HSPA12A: variants seen among roughly 807,000 people sequenced by gnomAD.
HSPA12A encodes the protein heat shock protein family A (Hsp70) member 12A.
In HSPA12A, 28 loss-of-function variants were observed where a neutral mutation model predicts 69.2. The observed-to-expected ratio is 0.40, with a 90% confidence interval of 0.30 to 0.55. The LOEUF (loss-of-function observed/expected upper bound fraction) is 0.55, where lower values mean the gene tolerates loss of function less well. Ranked by LOEUF, HSPA12A falls within the 20% of genes least tolerant of loss-of-function variation. HSPA12A has a pLI of 0.38. For missense variants in HSPA12A, 686 were observed against 900.7 expected, an observed-to-expected ratio of 0.76 and a Z score of 3.05; for synonymous variants, 345 against 370.5, an observed-to-expected ratio of 0.93 and a Z score of 0.79.
intron 2 of HSPA12A, among the ~76,000 whole-genome samples, chr10:116,749,739 T>C (rs1851731283): frequency 6.6e-6 from 1 of 152,222 alleles, no homozygotes; most frequent in Non-Finnish European, 1.5e-5. Flanking sequence ...CCGAGTTTTT[T>C]AAGATGAGAA....
intron 2 of HSPA12A, among the ~76,000 whole-genome samples, chr10:116,812,426 C>G (rs962127638): frequency 6.6e-6 from 1 of 151,894 alleles, no homozygotes; most frequent in Non-Finnish European, 1.5e-5. Context: ...GCACTCCAGC[C>G]TAGGCGATCG....
intron 2 of HSPA12A, among the ~76,000 whole-genome samples, chr10:116,779,472 G>A (rs1282896988): frequency 1.1e-4 from 16 of 152,122 alleles, no homozygotes; most frequent in African/African-American, 3.9e-4. Flanking sequence ...TGCTGGACTC[G>A]GGTGTGGCCA....
At chr10:116,797,364 A>C (rs1403047003) in intron 2 of HSPA12A, among the ~76,000 whole-genome samples, 4 of 152,298 alleles carry the variant, frequency 2.6e-5, no homozygotes, top group Middle Eastern at 3.4e-3. Context: ...AGGGGGTGGC[A>C]GAAGGACCTG....
rs1192244127 is a variant in HSPA12A at position 116,723,281 on chromosome 10, A to T, written c.41-15996T>A. On this transcript the variant is annotated intron_variant, in intron 1 of 11. Coordinates refer to ENST00000369209, the MANE Select transcript of HSPA12A (RefSeq NM_025015.3). The surrounding 1 kb of genome is among the most constrained non-coding windows in gnomAD (Gnocchi z 4.1). ...GTGTCCTCTGCCATCTGGGAAAGCC[A>T]TCTGCCATCCCTCAGGCCTGGCTTG... 1.3e-5 allele frequency among the ~76,000 whole-genome samples: 2 copies of T among 151,778 alleles called. No individual in the cohort carries two copies. Among genetic ancestry groups the T allele is most frequent in the Non-Finnish European group, 2.9e-5 (2 of 67,916 alleles).
chr10:116,711,832 G>GC (rs782759198), intron 1 of HSPA12A, among the ~76,000 whole-genome samples: 2 of 145,716 alleles, frequency 1.4e-5, no homozygotes, highest in Non-Finnish European at 3.0e-5. Flanking sequence ...CCCAGCTAAT[G>GC]TTTTTTTTTT....
At chr10:116,687,846 C>G (rs1849619979) in intron 6 of HSPA12A, among the ~76,000 whole-genome samples, 1 of 152,238 alleles carries the variant, frequency 6.6e-6, no homozygotes, top group Non-Finnish European at 1.5e-5. Flanking sequence ...GGGCCCCTGC[C>G]AAGCACTTAA....
intron 2 of HSPA12A, among the ~76,000 whole-genome samples, chr10:116,763,432 T>A (rs1867990): frequency 0.43 from 65,336 of 152,076 alleles, 14,858 homozygotes; most frequent in East Asian, 0.5. Context: ...TACCCCCAGA[T>A]AATACTGCTC....
intron 1 of HSPA12A, among the ~76,000 whole-genome samples, chr10:116,711,222 T>A (rs529442375): frequency 6.6e-6 from 1 of 152,242 alleles, no homozygotes. Flanking sequence ...ATAAAGCTAA[T>A]ACAACAACAT....
At chr10:116,839,849 A>G (rs1462778126) in intron 1 of HSPA12A, among the ~76,000 whole-genome samples, 2 of 151,924 alleles carry the variant, frequency 1.3e-5, no homozygotes, top group African/African-American at 4.8e-5. Flanking sequence ...GAGGGTACAG[A>G]CGTGTGTGCA....
Position 116,821,712 on chromosome 10 carries a change from G to A in HSPA12A, c.91+13223C>T, listed in dbSNP as rs570414703. On this transcript the variant is annotated intron_variant, in intron 2 of 12. Transcript: ENST00000635765. Reference sequence around the variant, plus strand: ...TTTGTGGCTCCACGCTGATCCACCCGTGTCACTTGCCATCCTGACTGCATG... The same window carrying A: ...TTTGTGGCTCCACGCTGATCCACCCATGTCACTTGCCATCCTGACTGCATG... Among the ~76,000 whole-genome samples the A allele has an allele frequency of 1.4e-3, 216 of 152,296 alleles. 1 individual carries two copies. The highest frequency in any genetic ancestry group is 3.4e-3 in the Middle Eastern group (1 of 294).
rs1844780559 is a variant in HSPA12A, at chr10:116,794,712, C to G, written c.91+40223G>C. ...CCTGTAATCCCAGCTACTTGGGAGG[C>G]TGAGGCAGGAGAATTGCTTGAACTC... On this transcript the variant is annotated intron_variant, in intron 2 of 12. Coordinates refer to the HSPA12A transcript ENST00000635765. 2.0e-5 allele frequency among the ~76,000 whole-genome samples: 3 copies of G among 152,120 alleles called. No individual in the cohort carries two copies. In the South Asian group the frequency reaches 6.2e-4, roughly 32 times the overall value.
At chr10:116,771,553 A>G (rs547527892) in intron 2 of HSPA12A, among the ~76,000 whole-genome samples, 1 of 152,332 alleles carries the variant, frequency 6.6e-6, no homozygotes, top group South Asian at 2.1e-4. Flanking sequence ...CAGGGCCTAG[A>G]CAGAGGGCCC....
At chr10:116,784,873 T>C (rs1293698889) in intron 2 of HSPA12A, among the ~76,000 whole-genome samples, 1 of 152,138 alleles carries the variant, frequency 6.6e-6, no homozygotes, top group Admixed American at 6.5e-5. Flanking sequence ...GAGCTGTCAG[T>C]CTGGGCTGGA....
chr10:116,684,758 G>A (rs902928583), intron 6 of HSPA12A, among the ~76,000 whole-genome samples: 35 of 152,192 alleles, frequency 2.3e-4, no homozygotes, highest in African/African-American at 7.7e-4. Context: ...TGATCCCCAA[G>A]TTCTCATCTG....
chr10:116,789,155 C>T (rs757341109), intron 2 of HSPA12A, among the ~76,000 whole-genome samples: 4 of 152,062 alleles, frequency 2.6e-5, no homozygotes, highest in Admixed American at 6.6e-5. Flanking sequence ...TGTGAGCCAC[C>T]GCACCCAGCC....
chr10:116,683,824 C>T lies in HSPA12A; in HGVS notation c.802G>A (p.Gly268Ser), dbSNP rs781929997. The change falls in exon 7 of 12, where the codon GGC becomes AGC. Residue 268 changes from glycine (G) to serine (S), a missense_variant. By Grantham distance (56) the Gly-to-Ser change is moderately conservative. Transcript: ENST00000369209. Reference sequence around the variant, plus strand: ...AACCCAGCTCCTACTGTGTCACTGCCGCTGTACCCATTGACGGCTGCCTTG... The same window carrying T: ...AACCCAGCTCCTACTGTGTCACTGCTGCTGTACCCATTGACGGCTGCCTTG... ...SSKAAVNGYS[G>S]SDTVGAGFTQ... 22 of 1,590,724 alleles carry T rather than the reference C, an allele frequency of 1.4e-5. No homozygotes were observed. The highest frequency in any genetic ancestry group is 7.8e-5 in the South Asian group (7 of 89,440).
chr10:116,709,380 G>A (rs973018256), intron 1 of HSPA12A, among the ~76,000 whole-genome samples: 4 of 151,452 alleles, frequency 2.6e-5, no homozygotes, highest in South Asian at 2.1e-4. Context: ...CCCAGGAGGC[G>A]GAGGGTGCAG....
In HSPA12A at chr10:116,751,782, ATGGCT is replaced by A. The variant is rs199965369; in HGVS notation, c.92-44502_92-44498del. Among the ~76,000 whole-genome samples the A allele has an allele frequency of 6.8e-3, 1,040 of 152,238 alleles. 10 individuals carry two copies. Among genetic ancestry groups the A allele is most frequent in the African/African-American group, 0.024 (986 of 41,540 alleles). On this transcript the variant is annotated intron_variant, in intron 2 of 12. Coordinates refer to the HSPA12A transcript ENST00000635765. Reference sequence around the variant, plus strand: ...GGTCAAGGGGACAGGTCCCTCATAAATGGCTTGGCTTAGTACCATCCCCTTGGTGA... The same window carrying A: ...GGTCAAGGGGACAGGTCCCTCATAAATGGCTTAGTACCATCCCCTTGGTGA...
At chr10:116,734,307 G>A (rs1554886190) in intron 1 of HSPA12A, among the ~76,000 whole-genome samples, 2 of 151,916 alleles carry the variant, frequency 1.3e-5, no homozygotes, top group African/African-American at 4.8e-5. Context: ...AAAATTAGCT[G>A]GACATGGTGG....
Sources: gnomAD v4.1 joint callset for allele counts (sites outside exome capture counted in the v4.1 genomes callset) on GRCh38, gnomAD v4.1.1 for gene constraint, Gnocchi (gnomAD v3.1) non-coding constraint, MANE v1.5 for transcripts, NCBI Gene and HGNC (gene_info 2026-07-23, HGNC 2026-07-21) for gene names.